EBF1: variants seen among roughly 807,000 people sequenced by gnomAD.
EBF1 encodes transcription factor COE1.
In EBF1, 10 loss-of-function variants were observed where a neutral mutation model predicts 68.4. The ratio of observed to expected loss-of-function variants is 0.15; its 90% confidence interval spans 0.09 to 0.25. The LOEUF is 0.25. EBF1 is among the 10% of genes least tolerant of loss of function. EBF1 has a pLI of 1.00. For missense variants in EBF1, 509 were observed against 794.4 expected (o/e 0.64, Z 4.32); for synonymous variants, 298 against 299.8 (o/e 0.99, Z 0.06).
chr5:158,735,833 G>A lies in EBF1; in HGVS notation c.1037-4676C>T, dbSNP rs563646755. On this transcript the variant is annotated intron_variant, in intron 10 of 15. Transcript: ENST00000313708. ...AAACCAGCAACTTTCTATTCCAACC[G>A]ATCTCTCAGCCTTTCTCTTTATGGG... 6.6e-5 allele frequency among the ~76,000 whole-genome samples: 10 copies of A among 152,240 alleles called. No homozygotes were observed. The South Asian group carries it at 1.2e-3, about 19-fold the overall frequency.
chr5:158,702,269 T>C (rs1756914698), intron 15 of EBF1, among the ~76,000 whole-genome samples: 1 of 152,100 alleles, frequency 6.6e-6, no homozygotes, highest in Non-Finnish European at 1.5e-5. Flanking sequence ...CTGAAGATTA[T>C]GTGGGTGAGA....
In EBF1 at chr5:159,039,219, G is replaced by A. The variant is rs540363342; in HGVS notation, c.554+34177C>T. On this transcript the variant is annotated intron_variant, in intron 6 of 15. Transcript: ENST00000313708. ...TGGCACAGCAGATTCCTCTGGGTCC[G>A]TCAGAAAAGAAAATCTTTTACACTT... is the stretch of plus-strand genomic sequence containing the variant. Among the ~76,000 whole-genome samples, 7 of 152,286 alleles carry A rather than the reference G, an allele frequency of 4.6e-5. No individual in the cohort carries two copies. In the South Asian group the frequency reaches 6.2e-4, roughly 14 times the overall value.
chr5:158,954,878 G>T (rs1283055956), intron 6 of EBF1, among the ~76,000 whole-genome samples: 3 of 152,110 alleles, frequency 2.0e-5, no homozygotes, highest in Non-Finnish European at 4.4e-5. Context: ...TTTTCTCTAG[G>T]ACTTACGGAG....
rs1217768066 is a variant in EBF1, at chr5:158,864,985, C to A, written c.555-24875G>T. Among the ~76,000 whole-genome samples, 3 of 152,190 alleles carry A rather than the reference C, an allele frequency of 2.0e-5. No individual in the cohort carries two copies. The South Asian group carries it at 6.2e-4, about 32-fold the overall frequency. On this transcript the variant is annotated intron_variant, in intron 6 of 15. Coordinates refer to ENST00000313708, the MANE Select transcript of EBF1 (RefSeq NM_024007.5). ...GTGCCCTCTTCCTGAGAACTGAATT[C>A]TTCCCTCCTATCATTTACCTTCAGA...
chr5:159,087,453 C>T (rs71585964), intron 4 of EBF1, among the ~76,000 whole-genome samples: 80 of 74,032 alleles, frequency 1.1e-3, no homozygotes, highest in African/African-American at 2.1e-3. Context: ...TATATATATA[C>T]ACACACACAC....
At chr5:158,883,421 C>CAT (rs1183494426) in intron 6 of EBF1, among the ~76,000 whole-genome samples, 7 of 142,894 alleles carry the variant, frequency 4.9e-5, no homozygotes, top group South Asian at 4.4e-4. Flanking sequence ...TACATACATA[C>CAT]GTATATATAT....
intron 7 of EBF1, among the ~76,000 whole-genome samples, chr5:158,836,409 C>T (rs1788815630): frequency 6.6e-6 from 1 of 151,562 alleles, no homozygotes; most frequent in Admixed American, 6.6e-5. Context: ...GTAGGGAGTT[C>T]AGAATGAGTG....
chr5:158,967,863 T>TC (rs36046462), intron 6 of EBF1, among the ~76,000 whole-genome samples: 1 of 152,182 alleles, frequency 6.6e-6, no homozygotes. Context: ...GGCTGAAATT[T>TC]CCCAAACTCA....
chr5:158,809,679 G>C (rs1782251955), intron 8 of EBF1, among the ~76,000 whole-genome samples: 1 of 152,108 alleles, frequency 6.6e-6, no homozygotes, highest in African/African-American at 2.4e-5. Context: ...TTAAATACAG[G>C]AACATTGAAA....
rs953074546 is a variant in EBF1 at position 158,823,169 on chromosome 5, C to T, written c.778+7G>A. On this transcript the variant is annotated splice_region_variant and intron_variant, in intron 8 of 15. Coordinates refer to ENST00000313708, the MANE Select transcript of EBF1 (RefSeq NM_024007.5). ...GCAATGCCAACCAATGAAAATGATT[C>T]GCCTACCATGTTCCAGATAAGAGGG... The T allele has an allele frequency of 1.5e-5, 25 of 1,613,728 alleles. No homozygotes were observed. Among genetic ancestry groups the T allele is most frequent in the South Asian group, 2.2e-5 (2 of 91,078 alleles).
chr5:159,075,424 C>T (rs1778589963), intron 5 of EBF1, among the ~76,000 whole-genome samples: 1 of 152,090 alleles, frequency 6.6e-6, no homozygotes, highest in Non-Finnish European at 1.5e-5. Flanking sequence ...TTGAGAAAAC[C>T]TATTTCTCCT....
At chr5:159,053,603 T>TCACACACACA (rs576102189) in intron 6 of EBF1, among the ~76,000 whole-genome samples, 5 of 145,248 alleles carry the variant, frequency 3.4e-5, no homozygotes, top group African/African-American at 8.0e-5. Context: ...TCTCTCTCTC[T>TCACACACACA]CTCACACACA....
intron 6 of EBF1, among the ~76,000 whole-genome samples, chr5:158,991,134 G>A (rs530772724): frequency 2.2e-4 from 34 of 152,248 alleles, no homozygotes; most frequent in Admixed American, 9.2e-4. Context: ...TGATTTCTAC[G>A]TTTGTTAAAT....
intron 6 of EBF1, among the ~76,000 whole-genome samples, chr5:158,902,246 C>G (rs979787551): frequency 1.1e-3 from 171 of 152,210 alleles, no homozygotes; most frequent in African/African-American, 4.0e-3. Flanking sequence ...AACAATGTCT[C>G]CCATGAGGCT....
At chr5:158,867,322 T>C (rs1447746067) in intron 6 of EBF1, among the ~76,000 whole-genome samples, 1 of 152,214 alleles carries the variant, frequency 6.6e-6, no homozygotes, top group Non-Finnish European at 1.5e-5. Flanking sequence ...CAGACCTGAA[T>C]AATCTATATC....
At chr5:158,948,862 G>A (rs1187303187) in intron 6 of EBF1, among the ~76,000 whole-genome samples, 1 of 152,064 alleles carries the variant, frequency 6.6e-6, no homozygotes, top group Non-Finnish European at 1.5e-5. Flanking sequence ...TTCATTCCCT[G>A]CCTCCCGCCC....
Position 159,091,456 on chromosome 5 carries a change from G to A in EBF1, c.411+4164C>T, listed in dbSNP as rs78278530. Among the ~76,000 whole-genome samples the A allele has an allele frequency of 3.3e-4, 50 of 152,298 alleles. No individual in the cohort carries two copies. The East Asian group carries it at 5.2e-3, about 16-fold the overall frequency. ...CCTGCATTTTTGACATGTTACCAAA[G>A]GAGAGAGAAAGCTGCTGAAATATGG... On this transcript the variant is annotated intron_variant, in intron 4 of 15. Transcript: ENST00000313708.
rs560886125 is a variant in EBF1 at position 158,998,146 on chromosome 5, T to C, written c.554+75250A>G. Among the ~76,000 whole-genome samples the C allele has an allele frequency of 5.9e-5, 9 of 152,224 alleles. 1 individual carries two copies. In the East Asian group the frequency reaches 1.7e-3, roughly 29 times the overall value. On this transcript the variant is annotated intron_variant, in intron 6 of 15. Coordinates refer to ENST00000313708, the MANE Select transcript of EBF1 (RefSeq NM_024007.5). Reference sequence around the variant, plus strand: ...TCCTTGCATCGCTTTCACTATACTCTATCTTATTAAATTTTAATGAAGTCC... The same window carrying C: ...TCCTTGCATCGCTTTCACTATACTCCATCTTATTAAATTTTAATGAAGTCC...
At chr5:158,705,412 C>T (rs1561681482) in intron 15 of EBF1, among the ~76,000 whole-genome samples, 1 of 152,222 alleles carries the variant, frequency 6.6e-6, no homozygotes, top group East Asian at 1.9e-4. Context: ...GAATCCAGCA[C>T]AAGGTGTGTC....
Sources: allele counts gnomAD v4.1 joint callset (sites outside exome capture counted in the v4.1 genomes callset), GRCh38; gene constraint gnomAD v4.1.1; transcripts MANE v1.5; gene names NCBI Gene and HGNC (gene_info 2026-07-23, HGNC 2026-07-21).